Variants in SLC67A2 observed in about 807,000 individuals in gnomAD.
SLC67A2 encodes the protein solute carrier family 67 member A2.
the SLC67A2 span, among the ~76,000 whole-genome samples, chr2:102,732,779 C>T: frequency 6.6e-6 from 1 of 152,168 alleles, no homozygotes; most frequent in Non-Finnish European, 1.5e-5. Context: ...GCGAAAGTGG[C>T]TAATGTCCTA....
chr2:102,719,330 T>C, the SLC67A2 span: 1 of 983,288 alleles, frequency 1.0e-6, no homozygotes, highest in Non-Finnish European at 1.5e-6. Flanking sequence ...CTAAATTTAC[T>C]AGTCTGTATT....
the SLC67A2 span, chr2:102,731,045 G>A: frequency 6.2e-7 from 1 of 1,613,856 alleles, no homozygotes; most frequent in Non-Finnish European, 8.5e-7. Context: ...CTAGAAAAGA[G>A]TTGCAAAATG....
chr2:102,731,022 TACC>T, the SLC67A2 span: 1 of 1,613,604 alleles, frequency 6.2e-7, no homozygotes, highest in South Asian at 1.1e-5. Flanking sequence ...GATCATAACT[TACC>T]ACCAATGTGC....
the SLC67A2 span, chr2:102,736,859 C>T: frequency 4.5e-6 from 7 of 1,545,398 alleles, no homozygotes; most frequent in African/African-American, 4.1e-5. Flanking sequence ...GGACCTACCC[C>T]GGGAGCCCAG....
chr2:102,721,825 C>T, the SLC67A2 span, among the ~76,000 whole-genome samples: 12 of 152,296 alleles, frequency 7.9e-5, no homozygotes, highest in South Asian at 2.5e-3. Flanking sequence ...CTGCCTCAGC[C>T]TCTCGAGGAT....
the SLC67A2 span, chr2:102,736,608 A>G: frequency 6.2e-7 from 1 of 1,613,610 alleles, no homozygotes; most frequent in Non-Finnish European, 8.5e-7. Context: ...GCCCGAACAC[A>G]GTCAGCACTT....
the SLC67A2 span, among the ~76,000 whole-genome samples, chr2:102,729,330 A>G: frequency 6.6e-6 from 1 of 152,350 alleles, no homozygotes; most frequent in South Asian, 2.1e-4. Context: ...TCTGATAAGT[A>G]AGAGTATAAA....
chr2:102,733,041 T>A, the SLC67A2 span, among the ~76,000 whole-genome samples: 8 of 152,230 alleles, frequency 5.3e-5, no homozygotes, highest in Non-Finnish European at 1.2e-4. Flanking sequence ...CAGTAATACC[T>A]GCCTGGTAGA....
the SLC67A2 span, chr2:102,726,759 T>A: frequency 2.7e-6 from 4 of 1,478,732 alleles, no homozygotes; most frequent in Non-Finnish European, 1.8e-6. Context: ...ACCACAGAGG[T>A]GGCCCAGGAG....
chr2:102,730,633 C>T, the SLC67A2 span, among the ~76,000 whole-genome samples: 1 of 151,424 alleles, frequency 6.6e-6, no homozygotes, highest in African/African-American at 2.4e-5. Context: ...AACTCCGCCT[C>T]CCGGCTTCAC....
chr2:102,724,803 A>G, the SLC67A2 span, among the ~76,000 whole-genome samples: 2 of 152,090 alleles, frequency 1.3e-5, no homozygotes, highest in African/African-American at 4.8e-5. Context: ...CGTCCTACTA[A>G]TCTATTCCCA....
At chr2:102,721,252 C>T in the SLC67A2 span, among the ~76,000 whole-genome samples, 1 of 152,266 alleles carries the variant, frequency 6.6e-6, no homozygotes, top group Middle Eastern at 3.4e-3. Flanking sequence ...ATTCATGTAC[C>T]TTCCTTTATA....
the SLC67A2 span, chr2:102,736,801 C>T: frequency 1.9e-6 from 3 of 1,610,168 alleles, no homozygotes; most frequent in Admixed American, 1.7e-5. Flanking sequence ...CAGTGACCCC[C>T]AAGCTCCATA....
the SLC67A2 span, chr2:102,718,701 T>C: frequency 1.2e-6 from 2 of 1,613,346 alleles, no homozygotes; most frequent in South Asian, 2.2e-5. Flanking sequence ...GACAGGAGAG[T>C]GGAGGAGAGG....
At chr2:102,732,140 T>C in the SLC67A2 span, 6 of 711,600 alleles carry the variant, frequency 8.4e-6, no homozygotes, top group Admixed American at 2.0e-5. Flanking sequence ...ATACGTCGTC[T>C]AGAAAAAAAG....
chr2:102,727,420 T>G, the SLC67A2 span, among the ~76,000 whole-genome samples: 5 of 152,206 alleles, frequency 3.3e-5, no homozygotes, highest in African/African-American at 1.2e-4. Context: ...AACAAAGTGG[T>G]CATACAATAT....
the SLC67A2 span, chr2:102,718,836 G>A: frequency 3.7e-6 from 6 of 1,613,966 alleles, no homozygotes; most frequent in East Asian, 1.1e-4. Flanking sequence ...CCCAGGGCAA[G>A]GCCGGCCACG....
At chr2:102,722,823 A>G in the SLC67A2 span, among the ~76,000 whole-genome samples, 107 of 152,364 alleles carry the variant, frequency 7.0e-4, no homozygotes, top group African/African-American at 2.4e-3. Context: ...CAGCAAAGTG[A>G]AAAAGCAACC....
chr2:102,716,837 A>T, the SLC67A2 span: 1 of 152,212 alleles, frequency 6.6e-6, no homozygotes, highest in Non-Finnish European at 1.5e-5. Flanking sequence ...TTAATACTTG[A>T]TGCAATCCCA....
Sources: allele counts gnomAD v4.1 joint callset (sites outside exome capture counted in the v4.1 genomes callset), GRCh38; gene constraint gnomAD v4.1.1; transcripts MANE v1.5; gene names NCBI Gene and HGNC (gene_info 2026-07-23, HGNC 2026-07-21).